Variants in DAB1 observed in about 807,000 individuals in gnomAD.
The protein encoded by DAB1 is disabled homolog 1.
Under a neutral mutation model 64.6 loss-of-function variants are expected in DAB1, and 15 were observed. The observed-to-expected ratio is 0.23, with a 90% CI of 0.16 to 0.36. The LOEUF (loss-of-function observed/expected upper bound fraction) is 0.36. Ranked by LOEUF, DAB1 falls within the 10% of genes least tolerant of loss-of-function variation. DAB1 has a pLI of 1.00. For synonymous variants in DAB1, 235 were observed against 251.9 expected, an observed-to-expected ratio of 0.93 and a Z score of 0.64; for missense variants, 596 against 706.7, an observed-to-expected ratio of 0.84 and a Z score of 1.78.
chr1:57,145,548 T>C, intron 2 of DAB1, 119 bp from the exon 3 acceptor site: 3 of 1,028,604 alleles, frequency 2.9e-6, no homozygotes, highest in Non-Finnish European at 2.9e-6. Flanking sequence ...GTCAAATCAC[T>C]GGACTCAGGA....
intron 3 of DAB1, among the ~76,000 whole-genome samples, chr1:58,444,858 T>C (rs532822028): frequency 3.2e-4 from 49 of 152,328 alleles, no homozygotes; most frequent in African/African-American, 9.1e-4. Flanking sequence ...TAATGAGTGT[T>C]ACTATATTAA....
chr1:58,025,651 GTATATATATATA>G (rs763787466), intron 5 of DAB1, among the ~76,000 whole-genome samples: 38 of 75,292 alleles, frequency 5.0e-4, no homozygotes, highest in African/African-American at 1.3e-3. Context: ...ATATATGTGT[GTATATATATATA>G]TATATATATA....
chr1:58,023,220 T>C (rs1646839840), intron 5 of DAB1, among the ~76,000 whole-genome samples: 1 of 152,042 alleles, frequency 6.6e-6, no homozygotes, highest in African/African-American at 2.4e-5. Context: ...CCCCCAAATA[T>C]AAAATAACAG....
chr1:57,107,262 C>A (rs1011578558), intron 4 of DAB1, among the ~76,000 whole-genome samples: 1 of 151,772 alleles, frequency 6.6e-6, no homozygotes, highest in Admixed American at 6.6e-5. Context: ...GTAATCCCAG[C>A]TACTTGGGAG....
At chr1:58,335,804 T>G (rs1384542720) in intron 4 of DAB1, among the ~76,000 whole-genome samples, 1 of 152,110 alleles carries the variant, frequency 6.6e-6, no homozygotes, top group African/African-American at 2.4e-5. Flanking sequence ...CCTGAGTAAC[T>G]GAATGAATTA....
chr1:58,183,351 C>G (rs1254022551), intron 4 of DAB1, among the ~76,000 whole-genome samples: 1 of 151,416 alleles, frequency 6.6e-6, no homozygotes, highest in East Asian at 1.9e-4. Context: ...TTAAAGCCTT[C>G]TCTGGTGTCT....
At chr1:57,603,925 C>A (rs535602810) in intron 7 of DAB1, among the ~76,000 whole-genome samples, 1 of 152,208 alleles carries the variant, frequency 6.6e-6, no homozygotes, top group East Asian at 1.9e-4. Context: ...TTAAACCCGA[C>A]CGTTACCACA....
At chr1:57,197,557 C>T (rs935014658) in intron 2 of DAB1, among the ~76,000 whole-genome samples, 12 of 152,112 alleles carry the variant, frequency 7.9e-5, no homozygotes, top group African/African-American at 4.8e-5. Context: ...ATGAAGAAAC[C>T]GAAGCTTTGA....
rs1216925344 is a variant in DAB1 at position 57,931,392 on chromosome 1, C to T, written n.388-47230G>A. Among the ~76,000 whole-genome samples the T allele has an allele frequency of 2.6e-5, 4 of 152,082 alleles. No homozygotes were observed. The East Asian group carries it at 7.7e-4, about 29-fold the overall frequency. On this transcript the variant is annotated intron_variant and non_coding_transcript_variant, in intron 5 of 20. Coordinates refer to the DAB1 transcript ENST00000485760. ...CATAAAATGAGTTGGGAAATATATC[C>T]TCTGGTTCTATCTTCTGAAAAAGAT...
At chr1:57,253,213 G>T (rs1250278095) in intron 2 of DAB1, among the ~76,000 whole-genome samples, 1 of 152,104 alleles carries the variant, frequency 6.6e-6, no homozygotes. Flanking sequence ...TAACAGAAGC[G>T]GCCACGGGAG....
At chr1:57,619,510 T>G (rs1282007579) in intron 7 of DAB1, among the ~76,000 whole-genome samples, 1 of 152,020 alleles carries the variant, frequency 6.6e-6, no homozygotes, top group Non-Finnish European at 1.5e-5. Flanking sequence ...AGGTGATCCT[T>G]TCACCTCAGC....
intron 1 of DAB1, among the ~76,000 whole-genome samples, chr1:57,414,906 G>C (rs933392741): frequency 6.6e-6 from 1 of 152,058 alleles, no homozygotes; most frequent in East Asian, 1.9e-4. Context: ...AAAGACTCAG[G>C]CTCAATGTCC....
chr1:58,458,955 T>G (rs1245032046), intron 3 of DAB1, among the ~76,000 whole-genome samples: 2 of 152,192 alleles, frequency 1.3e-5, no homozygotes, highest in Non-Finnish European at 2.9e-5. Context: ...TCACTTGATA[T>G]TAAGGTAGAG....
intron 3 of DAB1, among the ~76,000 whole-genome samples, chr1:58,450,646 C>T (rs554040366): frequency 4.3e-4 from 65 of 152,182 alleles, no homozygotes; most frequent in Non-Finnish European, 7.4e-4. Flanking sequence ...CCCAGCTACT[C>T]GGGAGGTTGA....
intron 11 of DAB1, among the ~76,000 whole-genome samples, chr1:57,021,009 C>G (rs1223275708): frequency 6.6e-6 from 1 of 152,168 alleles, no homozygotes; most frequent in East Asian, 1.9e-4. Context: ...GACAATTAGT[C>G]ACAAGGAGAT....
intron 7 of DAB1, among the ~76,000 whole-genome samples, chr1:57,475,555 A>G (rs1458897333): frequency 3.3e-5 from 5 of 152,214 alleles, no homozygotes; most frequent in Non-Finnish European, 5.9e-5. Flanking sequence ...GTCACTTGCC[A>G]CTTGCTGACG....
intron 6 of DAB1, among the ~76,000 whole-genome samples, chr1:57,676,010 G>A (rs1277283924): frequency 6.6e-6 from 1 of 152,190 alleles, no homozygotes. Context: ...GTGTGTGCAA[G>A]GACCAAGAGT....
chr1:57,123,094 A>G (rs936986342), intron 4 of DAB1, among the ~76,000 whole-genome samples: 1 of 152,176 alleles, frequency 6.6e-6, no homozygotes. Context: ...CTTAAATTAT[A>G]GTAATAAAGA....
intron 4 of DAB1, among the ~76,000 whole-genome samples, chr1:58,232,375 A>G (rs1210061103): frequency 6.6e-6 from 1 of 152,110 alleles, no homozygotes; most frequent in African/African-American, 2.4e-5. Flanking sequence ...CTGAAGACAA[A>G]GTACACATCT....
Sources: gnomAD v4.1 joint callset for allele counts (sites outside exome capture counted in the v4.1 genomes callset) on GRCh38, gnomAD v4.1.1 for gene constraint, MANE v1.5 for transcripts, NCBI Gene and HGNC (gene_info 2026-07-23, HGNC 2026-07-21) for gene names.